Variants in KCNMB4 observed in about 807,000 individuals in gnomAD.
KCNMB4 encodes calcium-activated potassium channel subunit beta-4.
A neutral mutation model predicts 20.7 loss-of-function variants in KCNMB4; 3 were observed. That is an observed-to-expected ratio of 0.14 (90% CI 0.07 to 0.37). The LOEUF is 0.37. Ranked by LOEUF, KCNMB4 falls within the 10% of genes least tolerant of loss-of-function variation. KCNMB4 has a pLI of 1.00. For synonymous variants in KCNMB4, 110 were observed against 113.4 expected (o/e 0.97, Z 0.19); for missense variants, 168 against 265.9 (o/e 0.63, Z 2.56).
At chr12:70,389,022 T>G (rs766907910) in intron 1 of KCNMB4, among the ~76,000 whole-genome samples, 8 of 151,898 alleles carry the variant, frequency 5.3e-5, no homozygotes, top group Non-Finnish European at 7.4e-5. Context: ...GGTTTTCTGA[T>G]GTATGCAGTT....
At chr12:70,426,066 G>A (rs535894804) in intron 2 of KCNMB4, among the ~76,000 whole-genome samples, 24 of 152,016 alleles carry the variant, frequency 1.6e-4, no homozygotes, top group Admixed American at 1.3e-4. Context: ...AGGCTGAGGC[G>A]GGTGGATCAC....
At chr12:70,378,444 T>A (rs1242993841) in intron 1 of KCNMB4, among the ~76,000 whole-genome samples, 1 of 152,216 alleles carries the variant, frequency 6.6e-6, no homozygotes, top group African/African-American at 2.4e-5. Flanking sequence ...AATTGTTGAA[T>A]CCCTTCCAGA....
intron 1 of KCNMB4, among the ~76,000 whole-genome samples, chr12:70,370,316 T>G (rs200027518): frequency 8.0e-5 from 11 of 138,062 alleles, no homozygotes; most frequent in South Asian, 6.9e-4. Flanking sequence ...TGTTTTTTTG[T>G]TTTTTTTTTG....
intron 2 of KCNMB4, among the ~76,000 whole-genome samples, chr12:70,405,669 ACTCT>A (rs1340785958): frequency 6.6e-6 from 1 of 152,090 alleles, no homozygotes; most frequent in Non-Finnish European, 1.5e-5. Flanking sequence ...CAGGATCTTG[ACTCT>A]TCAAGATCCT....
intron 2 of KCNMB4, among the ~76,000 whole-genome samples, chr12:70,409,113 T>C (rs973222186): frequency 1.3e-5 from 2 of 152,236 alleles, no homozygotes; most frequent in African/African-American, 4.8e-5. Context: ...CATAGAGTTT[T>C]TCTATACAGG....
At chr12:70,424,342 T>A (rs1869150401) in intron 2 of KCNMB4, among the ~76,000 whole-genome samples, 2 of 150,410 alleles carry the variant, frequency 1.3e-5, no homozygotes, top group South Asian at 2.1e-4. Context: ...TCTGAGTGGA[T>A]CCCCACAACA....
chr12:70,401,562 G>T (rs1868450375), intron 2 of KCNMB4, among the ~76,000 whole-genome samples: 1 of 151,788 alleles, frequency 6.6e-6, no homozygotes, highest in Admixed American at 6.6e-5. Flanking sequence ...AAACATCTTG[G>T]CATGGCCTAT....
At chr12:70,428,173 T>A (rs1315176084) in intron 2 of KCNMB4, among the ~76,000 whole-genome samples, 2 of 152,092 alleles carry the variant, frequency 1.3e-5, no homozygotes, top group African/African-American at 2.4e-5. Context: ...ATGTAGTTTT[T>A]TGTAGAGACA....
At chr12:70,380,570 C>T (rs1211230219) in intron 1 of KCNMB4, among the ~76,000 whole-genome samples, 1 of 149,634 alleles carries the variant, frequency 6.7e-6, no homozygotes, top group Non-Finnish European at 1.5e-5. Context: ...TGTGCCTGTA[C>T]AACAAAGCTA....
chr12:70,425,363 A>T (rs756070972), intron 2 of KCNMB4, among the ~76,000 whole-genome samples: 26 of 152,118 alleles, frequency 1.7e-4, no homozygotes, highest in Non-Finnish European at 2.9e-4. Context: ...GCGTAAACTC[A>T]GGAGGCAGAG....
chr12:70,392,576 C>T (rs893429651), intron 1 of KCNMB4, among the ~76,000 whole-genome samples: 7 of 152,098 alleles, frequency 4.6e-5, no homozygotes, highest in African/African-American at 1.7e-4. Flanking sequence ...AACTTGGAAC[C>T]AACCTAAATG....
chr12:70,405,823 G>T (rs1344433943), intron 2 of KCNMB4, among the ~76,000 whole-genome samples: 1 of 152,134 alleles, frequency 6.6e-6, no homozygotes, highest in African/African-American at 2.4e-5. Flanking sequence ...TCAGCTAGGG[G>T]AGGCTGAGGC....
chr12:70,386,102 A>C (rs549439913), intron 1 of KCNMB4, among the ~76,000 whole-genome samples: 1 of 152,294 alleles, frequency 6.6e-6, no homozygotes, highest in Admixed American at 6.5e-5. Context: ...TTAAAATCCA[A>C]AATGAAATTA....
At chr12:70,395,300 G>C (rs1868341509) in intron 1 of KCNMB4, among the ~76,000 whole-genome samples, 1 of 152,012 alleles carries the variant, frequency 6.6e-6, no homozygotes, top group South Asian at 2.1e-4. Flanking sequence ...CCTCATTTCT[G>C]TTTCTTAGAT....
chr12:70,376,349 C>T (rs1294731165), intron 1 of KCNMB4, among the ~76,000 whole-genome samples: 1 of 151,618 alleles, frequency 6.6e-6, no homozygotes, highest in Non-Finnish European at 1.5e-5. Flanking sequence ...TAGCCAGGGG[C>T]AGTTAAGCAA....
intron 1 of KCNMB4, among the ~76,000 whole-genome samples, chr12:70,384,902 AAAAG>A (rs1419944206): frequency 4.6e-5 from 7 of 151,534 alleles, no homozygotes; most frequent in South Asian, 4.2e-4. Context: ...AAAAAGAAGA[AAAAG>A]AAAGAAAAGG....
At chr12:70,417,585 A>G (rs1361658091) in intron 2 of KCNMB4, among the ~76,000 whole-genome samples, 2 of 152,250 alleles carry the variant, frequency 1.3e-5, no homozygotes, top group Admixed American at 6.5e-5. Flanking sequence ...TAGTTGGCAC[A>G]GTCTGTAAAA....
chr12:70,373,191 T>C (rs1883629451), intron 1 of KCNMB4, among the ~76,000 whole-genome samples: 1 of 152,234 alleles, frequency 6.6e-6, no homozygotes, highest in East Asian at 1.9e-4. Flanking sequence ...GATGTCCACA[T>C]CCTAACCCTC....
intron 1 of KCNMB4, among the ~76,000 whole-genome samples, chr12:70,370,547 C>G (rs1883574153): frequency 6.6e-6 from 1 of 151,944 alleles, no homozygotes; most frequent in Admixed American, 6.6e-5. Context: ...ACCTCGTGAT[C>G]CACCCCTGCC....
Sources: allele counts gnomAD v4.1 joint callset (sites outside exome capture counted in the v4.1 genomes callset), GRCh38; gene constraint gnomAD v4.1.1; transcripts MANE v1.5; gene names NCBI Gene and HGNC (gene_info 2026-07-23, HGNC 2026-07-21).